The following IMMP2L variants were observed in gnomAD, a reference collection of about 807,000 sequenced individuals.
IMMP2L encodes mitochondrial inner membrane protease subunit 2.
Under a neutral mutation model 19.3 loss-of-function variants are expected in IMMP2L, and 18 were observed. The observed-to-expected ratio is 0.93, with a 90% CI of 0.64 to 1.38. The LOEUF (loss-of-function observed/expected upper bound fraction) is 1.38. IMMP2L is among the 40% of genes most tolerant of loss of function. The pLI, the probability that IMMP2L is intolerant of heterozygous loss-of-function variation, is 0.00. For synonymous variants in IMMP2L, 76 were observed against 73.0 expected, an observed-to-expected ratio of 1.04 and a Z score of -0.21; for missense variants, 233 against 218.2, an observed-to-expected ratio of 1.07 and a Z score of -0.43.
intron 5 of IMMP2L, among the ~76,000 whole-genome samples, chr7:110,743,548 A>C (rs1797127910): frequency 6.6e-6 from 1 of 152,210 alleles, no homozygotes; most frequent in South Asian, 2.1e-4. Context: ...CGAGATCGAC[A>C]CAGAAGGCAG....
intron 1 of IMMP2L, among the ~76,000 whole-genome samples, chr7:111,558,183 C>A (rs1184382465): frequency 6.6e-6 from 1 of 152,116 alleles, no homozygotes; most frequent in African/African-American, 2.4e-5. Flanking sequence ...ATTCATTGAT[C>A]TAAATTCATG....
Position 110,924,848 on chromosome 7 carries a change from C to T in IMMP2L, c.306-38153G>A, listed in dbSNP as rs960391314. 6.6e-6 allele frequency among the ~76,000 whole-genome samples: 1 copy of T among 152,072 alleles called. No individual in the cohort carries two copies. Among genetic ancestry groups the T allele is most frequent in the Non-Finnish European group, 1.5e-5 (1 of 68,014 alleles). On this transcript the variant is annotated intron_variant, in intron 4 of 5. Coordinates refer to ENST00000405709, the MANE Select transcript of IMMP2L (RefSeq NM_032549.4). The surrounding 1 kb of genome is among the most constrained non-coding windows in gnomAD (Gnocchi z 4.2). The stretch of plus-strand genomic sequence containing the variant: ...TTTGAAAAAATGTTCTGGTTCATGC[C>T]TCTGCCACTACACTGCCTTAGAGCC...
intron 2 of IMMP2L, 136 bp downstream of exon 2, chr7:111,521,177 A>T (rs1846292001): frequency 1.1e-6 from 1 of 910,862 alleles, no homozygotes; most frequent in Non-Finnish European, 1.6e-6. Context: ...CAAATTCAGT[A>T]AAGTAAAATT....
intron 3 of IMMP2L, among the ~76,000 whole-genome samples, chr7:111,323,436 A>G (rs1312932766): frequency 6.6e-6 from 1 of 152,102 alleles, no homozygotes; most frequent in African/African-American, 2.4e-5. Context: ...CAAAACCCCA[A>G]TGAGATACCA....
chr7:110,909,668 T>C (rs1812828720), intron 4 of IMMP2L, among the ~76,000 whole-genome samples: 1 of 152,126 alleles, frequency 6.6e-6, no homozygotes, highest in Non-Finnish European at 1.5e-5. Context: ...ACAAAAACTC[T>C]CTCCACTTTC....
chr7:111,322,788 G>T (rs537477736), intron 3 of IMMP2L, among the ~76,000 whole-genome samples: 24 of 151,590 alleles, frequency 1.6e-4, no homozygotes, highest in Non-Finnish European at 1.5e-5. Flanking sequence ...TATGGGTCAT[G>T]GTAAAAGCAC....
At chr7:111,306,377 A>C (rs1321003985) in intron 3 of IMMP2L, among the ~76,000 whole-genome samples, 1 of 152,064 alleles carries the variant, frequency 6.6e-6, no homozygotes, top group Non-Finnish European at 1.5e-5. Flanking sequence ...GATACTGATA[A>C]ATGGGGAAGT....
At chr7:110,950,841 C>CATATATATATATATATATATATAT (rs34797718) in intron 4 of IMMP2L, among the ~76,000 whole-genome samples, 15 of 100,596 alleles carry the variant, frequency 1.5e-4, no homozygotes, top group African/African-American at 1.7e-4. Context: ...CAAAATGTGG[C>CATATATATATATATATATATATAT]ATATATATAT....
chr7:110,852,281 T>G (rs555226128), intron 5 of IMMP2L, among the ~76,000 whole-genome samples: 14 of 152,012 alleles, frequency 9.2e-5, no homozygotes, highest in African/African-American at 3.4e-4. Flanking sequence ...CATATTAAAA[T>G]TATGAATATT....
intron 5 of IMMP2L, among the ~76,000 whole-genome samples, chr7:110,833,764 G>C (rs570771512): frequency 9.2e-5 from 14 of 152,260 alleles, no homozygotes; most frequent in African/African-American, 3.1e-4. Flanking sequence ...AGCTGTCTAA[G>C]TGCATCTCAG....
chr7:111,153,228 T>A (rs180911465), intron 3 of IMMP2L, among the ~76,000 whole-genome samples: 3 of 152,236 alleles, frequency 2.0e-5, no homozygotes, highest in Admixed American at 2.0e-4. Context: ...TTGGGAATTT[T>A]AAAGAAGATT....
chr7:111,282,587 AT>A (rs940886205), intron 3 of IMMP2L, among the ~76,000 whole-genome samples: 6 of 150,074 alleles, frequency 4.0e-5, no homozygotes, highest in African/African-American at 9.8e-5. Flanking sequence ...TCTTTTTTTG[AT>A]TTTTTTTTTC....
chr7:111,530,727 G>C (rs1847311579), intron 1 of IMMP2L, among the ~76,000 whole-genome samples: 1 of 152,036 alleles, frequency 6.6e-6, no homozygotes, highest in Non-Finnish European at 1.5e-5. Context: ...AATGTAGGTG[G>C]TGGGTTTAAA....
At chr7:111,030,167 G>T (rs1222548332) in intron 3 of IMMP2L, among the ~76,000 whole-genome samples, 3 of 152,046 alleles carry the variant, frequency 2.0e-5, no homozygotes, top group African/African-American at 7.2e-5. Flanking sequence ...CAGAGTTCAG[G>T]ATTGAACCTA....
rs372497439 is a variant in IMMP2L at position 111,142,320 on chromosome 7, T to C, written c.240-178755A>G. Among the ~76,000 whole-genome samples, 6 of 131,340 alleles carry C rather than the reference T, an allele frequency of 4.6e-5. 1 individual carries two copies. Among genetic ancestry groups the C allele is most frequent in the African/African-American group, 2.0e-4 (6 of 29,688 alleles). The allele number at this position is 131,340 out of a possible 152,430, so 86.2% of individuals were successfully genotyped here. A position where few individuals can be genotyped will look rare whatever the true frequency, so the allele number is the denominator to read the frequency against. On this transcript the variant is annotated intron_variant, in intron 3 of 5. Transcript: ENST00000405709. ...CAGCCTGGGCAACAGGGTGAGACTCTGTCTCAAAAAAAAAAAAAAAAAAGA... is the reference window on the plus strand; with the variant it reads ...CAGCCTGGGCAACAGGGTGAGACTCCGTCTCAAAAAAAAAAAAAAAAAAGA...
rs754363475 is a variant in IMMP2L at position 110,861,069 on chromosome 7, T to TTG, written c.408+25522_408+25523dup. 8.6e-3 allele frequency among the ~76,000 whole-genome samples: 1,110 copies of TTG among 129,026 alleles called. 7 individuals carry two copies. The highest frequency in any genetic ancestry group is 0.015 in the African/African-American group (507 of 33,542). The allele number at this position is 129,026 out of a possible 152,430, so 84.6% of individuals were successfully genotyped here. A position where few individuals can be genotyped will look rare whatever the true frequency, so the allele number is the denominator to read the frequency against. ...TAAAAGAATGACTACCACCAGCAGT[T>TTG]TGTGTGTGTGTGTGTGTGTGTGTGT... On this transcript the variant is annotated intron_variant, in intron 5 of 5. Transcript: ENST00000405709.
chr7:111,269,978 G>T (rs533023642), intron 3 of IMMP2L, among the ~76,000 whole-genome samples: 1 of 151,594 alleles, frequency 6.6e-6, no homozygotes, highest in South Asian at 2.1e-4. Flanking sequence ...ATCACTCTTT[G>T]GTACTGCATG....
At chr7:111,037,463 T>C (rs1259933601) in intron 3 of IMMP2L, among the ~76,000 whole-genome samples, 1 of 152,132 alleles carries the variant, frequency 6.6e-6, no homozygotes, top group African/African-American at 2.4e-5. Context: ...ACACTTCAGA[T>C]GCATTAGTAG....
At chr7:111,537,499 G>T (rs1175502759) in intron 1 of IMMP2L, among the ~76,000 whole-genome samples, 3 of 142,152 alleles carry the variant, frequency 2.1e-5, no homozygotes, top group African/African-American at 5.2e-5. Context: ...GGCTAATTAT[G>T]ATTAGATTCC....
Sources: allele counts gnomAD v4.1 joint callset (sites outside exome capture counted in the v4.1 genomes callset), GRCh38; gene constraint gnomAD v4.1.1; non-coding constraint Gnocchi (gnomAD v3.1); transcripts MANE v1.5; gene names NCBI Gene and HGNC (gene_info 2026-07-23, HGNC 2026-07-21).